Variants in ANKMY1 observed in about 807,000 individuals in gnomAD.
ANKMY1 encodes the protein ankyrin repeat and MYND domain containing 1.
A neutral mutation model predicts 102.0 loss-of-function variants in ANKMY1; 98 were observed. That is an observed-to-expected ratio of 0.96 (90% CI 0.82 to 1.14). The LOEUF (loss-of-function observed/expected upper bound fraction) is 1.14, where lower values mean the gene tolerates loss of function less well. ANKMY1 is among the 50% of genes most tolerant of loss of function. ANKMY1 has a pLI of 0.00. For synonymous variants in ANKMY1, 582 were observed against 559.9 expected, an observed-to-expected ratio of 1.04 and a Z score of -0.56; for missense variants, 1,330 against 1,347.6, an observed-to-expected ratio of 0.99 and a Z score of 0.20.
chr2:240,495,758 A>T (rs2077176262), intron 15 of ANKMY1, among the ~76,000 whole-genome samples: 1 of 152,018 alleles, frequency 6.6e-6, no homozygotes, highest in South Asian at 2.1e-4. Context: ...CTTTATTTCT[A>T]CAATCTCCTG....
chr2:240,551,762 A>G (rs1018737207), intron 4 of ANKMY1, among the ~76,000 whole-genome samples: 1 of 152,196 alleles, frequency 6.6e-6, no homozygotes, highest in Non-Finnish European at 1.5e-5. Flanking sequence ...CTGATTCCCC[A>G]TGGTTGAGGA....
intron 8 of ANKMY1, chr2:240,522,780 C>A (rs538805113): frequency 6.6e-6 from 1 of 152,140 alleles, no homozygotes; most frequent in East Asian, 1.9e-4. Flanking sequence ...CACAAAACTG[C>A]GCTGCTAACG....
intron 13 of ANKMY1, among the ~76,000 whole-genome samples, chr2:240,500,986 G>C (rs1231979426): frequency 6.6e-6 from 1 of 152,244 alleles, no homozygotes; most frequent in Non-Finnish European, 1.5e-5. Flanking sequence ...AAGACAGCGA[G>C]TGCACGCGTA....
At position 240,485,330 on chromosome 2, in the gene ANKMY1, AG is replaced by A. The variant is rs553137832; in HGVS notation, c.2807-3070del. 7.8e-4 allele frequency among the ~76,000 whole-genome samples: 117 copies of A among 149,200 alleles called. 8 individuals carry two copies. Among genetic ancestry groups the A allele is most frequent in the East Asian group, 7.8e-4 (4 of 5,098 alleles). ...GCGACAGAGCGAGACTCCGTCTCAA[AG>A]AAAAAAAAAAAGAAACAAAAATAGT... On this transcript the variant is annotated intron_variant, in intron 15 of 17. Coordinates refer to ENST00000401804, the MANE Select transcript of ANKMY1 (RefSeq NM_001282771.3).
At chr2:240,476,367 C>T (rs1195519257), downstream of ANKMY1, among the ~76,000 whole-genome samples, 1 of 152,194 alleles carries the variant, frequency 6.6e-6, no homozygotes, top group Non-Finnish European at 1.5e-5. Flanking sequence ...ACCACAGTAT[C>T]ATCTCACAAG....
the ANKMY1 span, among the ~76,000 whole-genome samples, chr2:240,468,687 G>C: frequency 1.9e-4 from 29 of 152,330 alleles, 1 homozygote; most frequent in African/African-American, 5.8e-4. Context: ...GGTTGGTCTG[G>C]TGAACATTTT....
intron 4 of ANKMY1, among the ~76,000 whole-genome samples, chr2:240,549,287 G>T (rs1384323498): frequency 8.7e-5 from 13 of 149,772 alleles, no homozygotes; most frequent in Admixed American, 8.6e-4. Context: ...TTTAATAAAT[G>T]GTGCTGGGAA....
At chr2:240,494,287 G>A (rs1163446133) in intron 15 of ANKMY1, among the ~76,000 whole-genome samples, 3 of 152,166 alleles carry the variant, frequency 2.0e-5, no homozygotes, top group African/African-American at 7.2e-5. Context: ...GCCACAGCCT[G>A]GACCAGTGGT....
chr2:240,551,501 T>G (rs1403762490), intron 4 of ANKMY1, among the ~76,000 whole-genome samples: 2 of 152,228 alleles, frequency 1.3e-5, no homozygotes, highest in Non-Finnish European at 2.9e-5. Flanking sequence ...GGACAGCCTA[T>G]GCGAACCACA....
intron 15 of ANKMY1, among the ~76,000 whole-genome samples, chr2:240,487,512 G>T (rs1177422768): frequency 6.6e-6 from 1 of 152,124 alleles, no homozygotes; most frequent in East Asian, 1.9e-4. Context: ...GTGACTGCTG[G>T]ATCAAATGAT....
At chr2:240,470,203 CCT>C in the ANKMY1 span, among the ~76,000 whole-genome samples, 1 of 152,250 alleles carries the variant, frequency 6.6e-6, no homozygotes, top group African/African-American at 2.4e-5. Flanking sequence ...CTAACTCCCA[CCT>C]CTCAGTCCAC....
At chr2:240,559,361 C>A (rs1374646599), upstream of ANKMY1, among the ~76,000 whole-genome samples, 2 of 152,218 alleles carry the variant, frequency 1.3e-5, no homozygotes, top group Admixed American at 6.5e-5. Context: ...CATCAAGGAC[C>A]TTGGCTCTCC....
At chr2:240,511,554 G>A (rs948144141) in intron 11 of ANKMY1, among the ~76,000 whole-genome samples, 2 of 152,230 alleles carry the variant, frequency 1.3e-5, no homozygotes, top group African/African-American at 2.4e-5. Flanking sequence ...GGATGACAGA[G>A]GAGGGTCAGC....
intron 4 of ANKMY1, among the ~76,000 whole-genome samples, chr2:240,531,059 A>G (rs2085267311): frequency 6.6e-6 from 1 of 152,232 alleles, no homozygotes; most frequent in Admixed American, 6.5e-5. Flanking sequence ...AAGAACATAA[A>G]TAACCCAATT....
intron 15 of ANKMY1, among the ~76,000 whole-genome samples, chr2:240,489,151 T>C (rs1005909922): frequency 1.3e-5 from 2 of 152,132 alleles, no homozygotes; most frequent in African/African-American, 4.8e-5. Flanking sequence ...TTCTGTGCCT[T>C]GTTTCTTAAG....
intron 2 of ANKMY1, among the ~76,000 whole-genome samples, chr2:240,556,427 C>T (rs893718665): frequency 3.3e-5 from 5 of 152,142 alleles, no homozygotes; most frequent in African/African-American, 4.8e-5. Flanking sequence ...TAGCTAAGCC[C>T]GCTCCCACCA....
At chr2:240,503,496 G>C (rs2078562979) in intron 13 of ANKMY1, among the ~76,000 whole-genome samples, 1 of 152,176 alleles carries the variant, frequency 6.6e-6, no homozygotes, top group African/African-American at 2.4e-5. Context: ...AAATGGCGGG[G>C]CCCAGGGAGT....
intron 4 of ANKMY1, chr2:240,532,070 G>A: frequency 2.1e-6 from 1 of 467,938 alleles, no homozygotes; most frequent in Non-Finnish European, 4.4e-6. Flanking sequence ...ATGAGGCACA[G>A]GCAATATTTG....
intron 4 of ANKMY1, among the ~76,000 whole-genome samples, chr2:240,531,285 T>C (rs369591193): frequency 1.3e-5 from 2 of 152,336 alleles, no homozygotes; most frequent in South Asian, 2.1e-4. Context: ...CGTATCTTGA[T>C]GACTAAATGC....
Sources: gnomAD v4.1 joint callset for allele counts (sites outside exome capture counted in the v4.1 genomes callset) on GRCh38, gnomAD v4.1.1 for gene constraint, MANE v1.5 for transcripts, NCBI Gene and HGNC (gene_info 2026-07-23, HGNC 2026-07-21) for gene names.